GALNT1: variants seen among roughly 807,000 people sequenced by gnomAD.
GALNT1 encodes GalNAc transferase 1.
GALNT1 carries 17 observed loss-of-function variants against 65.7 expected under a neutral mutation model. That is an observed-to-expected ratio of 0.26 (90% CI 0.18 to 0.39). GALNT1 has a LOEUF of 0.39. Among genes scored for constraint, GALNT1 ranks in the 10% least tolerant of loss-of-function variants. GALNT1 has a pLI of 1.00. For missense variants in GALNT1, 460 were observed against 672.8 expected, an observed-to-expected ratio of 0.68 and a Z score of 3.50; for synonymous variants, 210 against 219.7, an observed-to-expected ratio of 0.96 and a Z score of 0.39.
At chr18:35,689,665 CTTT>C (rs999955992) in intron 7 of GALNT1, among the ~76,000 whole-genome samples, 8 of 151,960 alleles carry the variant, frequency 5.3e-5, no homozygotes, top group Non-Finnish European at 1.2e-4. Context: ...TTGTAATATG[CTTT>C]TTATTTTAGT....
At chr18:35,620,892 G>A (rs2144105910) in intron 1 of GALNT1, among the ~76,000 whole-genome samples, 1 of 152,160 alleles carries the variant, frequency 6.6e-6, no homozygotes, top group Admixed American at 6.5e-5. Context: ...GAGTGATAGG[G>A]TAGTGCTTTC....
chr18:35,609,792 C>T (rs1404069397), intron 1 of GALNT1, among the ~76,000 whole-genome samples: 1 of 152,048 alleles, frequency 6.6e-6, no homozygotes, highest in Non-Finnish European at 1.5e-5. Flanking sequence ...TATTAATACC[C>T]TTAGATTCTT....
chr18:35,682,205 A>T (rs550417366), intron 4 of GALNT1, among the ~76,000 whole-genome samples: 1 of 152,262 alleles, frequency 6.6e-6, no homozygotes, highest in East Asian at 1.9e-4. Flanking sequence ...AATGGGAAAG[A>T]TCAGTGTTTT....
intron 1 of GALNT1, among the ~76,000 whole-genome samples, chr18:35,640,663 A>G (rs1177311363): frequency 6.6e-6 from 1 of 152,228 alleles, no homozygotes; most frequent in African/African-American, 2.4e-5. Flanking sequence ...GTGATAGGTG[A>G]GAAGACTTGT....
intron 3 of GALNT1, among the ~76,000 whole-genome samples, chr18:35,669,236 C>T (rs1448978076): frequency 1.4e-5 from 2 of 142,754 alleles, no homozygotes; most frequent in African/African-American, 2.6e-5. Flanking sequence ...GAGAGACCAT[C>T]TCGAAGAAAA....
At chr18:35,687,813 A>G (rs943767036) in intron 6 of GALNT1, among the ~76,000 whole-genome samples, 5 of 152,078 alleles carry the variant, frequency 3.3e-5, no homozygotes, top group Non-Finnish European at 5.9e-5. Context: ...CTTCTGAGCC[A>G]TCCTAGAATT....
chr18:35,634,379 G>GGGTTCCCAAGACCCACCCGTA (rs1380747825), intron 1 of GALNT1, among the ~76,000 whole-genome samples: 1 of 152,034 alleles, frequency 6.6e-6, no homozygotes, highest in African/African-American at 2.4e-5. Flanking sequence ...GATTGTGTGG[G>GGGTTCCCAAGACCCACCCGTA]GGTTCCCAAG....
intron 3 of GALNT1, 151 bp from the exon 4 acceptor site, chr18:35,677,440 A>G (rs947629153): frequency 6.2e-5 from 29 of 466,906 alleles, no homozygotes; most frequent in Admixed American, 2.2e-4. Flanking sequence ...TATTAAACAC[A>G]TAACATTAAC....
chr18:35,673,458 C>G (rs2047663587), intron 3 of GALNT1, among the ~76,000 whole-genome samples: 1 of 152,198 alleles, frequency 6.6e-6, no homozygotes, highest in African/African-American at 2.4e-5. Context: ...GTTTCCTCAT[C>G]TGTAAAATTT....
intron 11 of GALNT1, among the ~76,000 whole-genome samples, chr18:35,709,380 C>T (rs1200944852): frequency 2.6e-5 from 4 of 151,914 alleles, no homozygotes; most frequent in African/African-American, 4.8e-5. Flanking sequence ...CCCTACTGGA[C>T]CCCAGTGCCT....
chr18:35,598,576 C>G lies in GALNT1; in HGVS notation c.-104+16714C>G, dbSNP rs190025033. The stretch of plus-strand genomic sequence containing the variant: ...AATGATAGGATTTCATTTTTTATGG[C>G]TGAATAATATTCCATTCTATCTATG... On this transcript the variant is annotated intron_variant, in intron 1 of 11. Transcript: ENST00000269195. Among the ~76,000 whole-genome samples, 1,090 of 152,322 alleles carry G rather than the reference C, an allele frequency of 7.2e-3. 13 individuals are homozygous for G. The highest frequency in any genetic ancestry group is 0.024 in the African/African-American group (1,012 of 41,564).
intron 11 of GALNT1, among the ~76,000 whole-genome samples, chr18:35,706,250 C>T (rs1185001280): frequency 6.6e-6 from 1 of 152,136 alleles, no homozygotes; most frequent in Non-Finnish European, 1.5e-5. Flanking sequence ...GTGGCTCAAG[C>T]CTGTAATCCC....
In GALNT1 at chr18:35,637,602, C is replaced by T. The variant is rs140216715; in HGVS notation, c.-103-16958C>T. 3.3e-5 allele frequency among the ~76,000 whole-genome samples: 5 copies of T among 152,288 alleles called. No homozygotes were observed. In the East Asian group the frequency reaches 9.6e-4, roughly 29 times the overall value. Reference sequence around the variant, plus strand: ...GTTCAGGAGGTTTAAGGAAACAAGCCATCTCCACAATGTAAAAACAAGTGT... The same window carrying T: ...GTTCAGGAGGTTTAAGGAAACAAGCTATCTCCACAATGTAAAAACAAGTGT... On this transcript the variant is annotated intron_variant, in intron 1 of 11. Transcript: ENST00000269195.
chr18:35,707,804 C>T (rs376762887), intron 11 of GALNT1, among the ~76,000 whole-genome samples: 1 of 152,148 alleles, frequency 6.6e-6, no homozygotes, highest in East Asian at 1.9e-4. Flanking sequence ...CGGGAACTCC[C>T]GGAATGTTTG....
chr18:35,695,848 A>G (rs1379425303), intron 9 of GALNT1, among the ~76,000 whole-genome samples: 2 of 152,158 alleles, frequency 1.3e-5, no homozygotes, highest in African/African-American at 4.8e-5. Context: ...AAAGATTTCT[A>G]GCAGTCACTC....
chr18:35,678,238 A>G (rs2047737406), intron 4 of GALNT1, among the ~76,000 whole-genome samples: 1 of 152,122 alleles, frequency 6.6e-6, no homozygotes, highest in African/African-American at 2.4e-5. Flanking sequence ...TATTTTCTCC[A>G]TTTCTAAGTT....
intron 11 of GALNT1, among the ~76,000 whole-genome samples, chr18:35,708,171 T>C (rs1363130739): frequency 1.3e-5 from 2 of 152,028 alleles, no homozygotes; most frequent in African/African-American, 4.8e-5. Flanking sequence ...GTGTGACAAA[T>C]CTGGAAATCA....
At chr18:35,641,267 A>G (rs1568021862) in intron 1 of GALNT1, among the ~76,000 whole-genome samples, 1 of 152,126 alleles carries the variant, frequency 6.6e-6, no homozygotes, top group Non-Finnish European at 1.5e-5. Flanking sequence ...CAATATGGTG[A>G]AACCCTCTCT....
intron 2 of GALNT1, among the ~76,000 whole-genome samples, chr18:35,662,196 G>C (rs1227625759): frequency 2.0e-5 from 3 of 152,050 alleles, no homozygotes. Flanking sequence ...GATGATTTTT[G>C]TCATTGAGAA....
Sources: allele counts gnomAD v4.1 joint callset (sites outside exome capture counted in the v4.1 genomes callset), GRCh38; gene constraint gnomAD v4.1.1; transcripts MANE v1.5; gene names NCBI Gene and HGNC (gene_info 2026-07-23, HGNC 2026-07-21).